The following SEC22C variants were observed in gnomAD, a reference collection of about 807,000 sequenced individuals.
The protein encoded by SEC22C is vesicle-trafficking protein SEC22c.
SEC22C carries 29 observed loss-of-function variants against 34.7 expected under a neutral mutation model. That is an observed-to-expected ratio of 0.84 (90% CI 0.62 to 1.14). The LOEUF is 1.14. SEC22C is among the 50% of genes most tolerant of loss of function. SEC22C has a pLI of 0.00. For missense variants in SEC22C, 337 were observed against 369.0 expected (o/e 0.91, Z 0.71); for synonymous variants, 117 against 132.8 (o/e 0.88, Z 0.82).
chr3:42,584,323 C>T (rs936856174), upstream of SEC22C, among the ~76,000 whole-genome samples: 1 of 152,174 alleles, frequency 6.6e-6, no homozygotes, highest in African/African-American at 2.4e-5. Context: ...GGCACAATCT[C>T]GGCCCACTGC....
chr3:42,561,859 G>A (rs536959727), intron 3 of SEC22C, among the ~76,000 whole-genome samples: 6 of 152,282 alleles, frequency 3.9e-5, no homozygotes, highest in Admixed American at 6.5e-5. Context: ...GAACCTCAGT[G>A]ATGAGAGAGT....
chr3:42,594,151 T>A (rs1383481873), intron 1 of SEC22C, among the ~76,000 whole-genome samples: 3 of 152,192 alleles, frequency 2.0e-5, no homozygotes, highest in African/African-American at 4.8e-5. Flanking sequence ...ATGTGGAGAA[T>A]AAAGTAGGTG....
chr3:42,594,438 C>A, intron 1 of SEC22C: 1 of 1,613,800 alleles, frequency 6.2e-7, no homozygotes, highest in East Asian at 2.2e-5. Context: ...GCATGTGTTA[C>A]ATAGAAATCT....
Position 42,550,829 on chromosome 3 carries a change from G to C in SEC22C, c.*2419C>G. The C allele has an allele frequency of 1.0e-6, 1 of 983,624 alleles. No individual in the cohort carries two copies. The highest frequency in any genetic ancestry group is 1.2e-6 in the Non-Finnish European group (1 of 829,726). 60.9% of individuals were successfully genotyped at this position (983,624 alleles called of 1,614,324 possible). ...CTACATGGCAACCCAATGCCACATA[G>C]GAAAAGAAAACAGTCCATTTTTAAG... is the stretch of plus-strand genomic sequence containing the variant. On this transcript the variant is annotated 3_prime_UTR_variant, in exon 7 of 7. Coordinates refer to ENST00000264454, the MANE Select transcript of SEC22C (RefSeq NM_032970.4).
At chr3:42,580,236 TGAGA>T (rs948571643) in intron 1 of SEC22C, among the ~76,000 whole-genome samples, 1 of 151,998 alleles carries the variant, frequency 6.6e-6, no homozygotes, top group African/African-American at 2.4e-5. Flanking sequence ...AGAGAGAGGC[TGAGA>T]GAGACAGAAA....
intron 3 of SEC22C, among the ~76,000 whole-genome samples, chr3:42,562,986 C>G (rs1703011983): frequency 6.6e-6 from 1 of 152,218 alleles, no homozygotes; most frequent in Admixed American, 6.5e-5. Flanking sequence ...TTTCTAAACA[C>G]CAGTTCTCAC....
chr3:42,595,030 A>T (rs1704988736), intron 1 of SEC22C: 1 of 152,350 alleles, frequency 6.6e-6, no homozygotes, highest in Non-Finnish European at 1.5e-5. Flanking sequence ...TCATGTAATA[A>T]GTATTCCATT....
At chr3:42,573,949 C>G (rs143122981) in intron 1 of SEC22C, among the ~76,000 whole-genome samples, 2 of 152,216 alleles carry the variant, frequency 1.3e-5, no homozygotes, top group East Asian at 3.9e-4. Flanking sequence ...GAAATAATTT[C>G]TGAATATTTC....
intron 1 of SEC22C, among the ~76,000 whole-genome samples, chr3:42,574,060 C>A (rs1321740491): frequency 6.6e-6 from 1 of 151,942 alleles, no homozygotes; most frequent in East Asian, 1.9e-4. Flanking sequence ...GACAGAAGCC[C>A]AACTTATGAA....
intron 3 of SEC22C, among the ~76,000 whole-genome samples, chr3:42,562,305 C>G (rs1473271369): frequency 6.6e-6 from 1 of 152,214 alleles, no homozygotes; most frequent in Non-Finnish European, 1.5e-5. Flanking sequence ...GAGAGAAGAA[C>G]ACAGGTCTAC....
At chr3:42,577,197 G>A (rs991103357) in intron 1 of SEC22C, among the ~76,000 whole-genome samples, 4 of 152,144 alleles carry the variant, frequency 2.6e-5, no homozygotes, top group Non-Finnish European at 5.9e-5. Flanking sequence ...CTATGACTTG[G>A]TGAGGAGCTC....
At chr3:42,590,870 G>A in intron 1 of SEC22C, 1 of 1,613,724 alleles carries the variant, frequency 6.2e-7, no homozygotes, top group Non-Finnish European at 8.5e-7. Flanking sequence ...GAGTTGCTTG[G>A]CGGTCGTGGT....
chr3:42,585,746 AT>A (rs1704589295), upstream of SEC22C, among the ~76,000 whole-genome samples: 2 of 152,194 alleles, frequency 1.3e-5, no homozygotes, highest in Non-Finnish European at 2.9e-5. Context: ...TCTTCTCTGA[AT>A]CTGCTTCTTG....
intron 4 of SEC22C, among the ~76,000 whole-genome samples, chr3:42,560,063 T>C (rs1178380227): frequency 2.0e-5 from 3 of 150,212 alleles, no homozygotes; most frequent in Non-Finnish European, 4.4e-5. Context: ...GGGTTTCAGA[T>C]CTACAACATT....
At chr3:42,587,183 A>T (rs1704641388) in intron 1 of SEC22C, among the ~76,000 whole-genome samples, 1 of 151,868 alleles carries the variant, frequency 6.6e-6, no homozygotes, top group South Asian at 2.1e-4. Context: ...AGCCAATAAA[A>T]CTCTAAATGC....
At chr3:42,588,551 C>T (rs951120419) in intron 1 of SEC22C, among the ~76,000 whole-genome samples, 3 of 152,076 alleles carry the variant, frequency 2.0e-5, no homozygotes, top group African/African-American at 7.2e-5. Flanking sequence ...TATATACATA[C>T]CATATGTAGC....
intron 1 of SEC22C, among the ~76,000 whole-genome samples, chr3:42,576,671 G>A (rs576355297): frequency 6.6e-6 from 1 of 151,582 alleles, no homozygotes; most frequent in Admixed American, 6.6e-5. Flanking sequence ...TGGATTGGAA[G>A]AGTCAACAAA....
chr3:42,561,871 G>A (rs984060138), intron 3 of SEC22C, among the ~76,000 whole-genome samples: 4 of 151,944 alleles, frequency 2.6e-5, no homozygotes, highest in African/African-American at 4.8e-5. Context: ...TGAGAGAGTC[G>A]GGGGAAAGGG....
intron 2 of SEC22C, chr3:42,565,962 T>C (rs1703212443): frequency 2.2e-6 from 1 of 447,426 alleles, no homozygotes; most frequent in African/African-American, 2.0e-5. Flanking sequence ...AGTAGAACAT[T>C]TTTTATTCCT....
Sources: gnomAD v4.1 joint callset for allele counts (sites outside exome capture counted in the v4.1 genomes callset) on GRCh38, gnomAD v4.1.1 for gene constraint, MANE v1.5 for transcripts, NCBI Gene and HGNC (gene_info 2026-07-23, HGNC 2026-07-21) for gene names.